The following KIR3DL2 variants were observed in gnomAD, a reference collection of about 807,000 sequenced individuals.
The protein encoded by KIR3DL2 is killer cell immunoglobulin-like receptor 3DL2.
In KIR3DL2, 42 loss-of-function variants were observed where a neutral mutation model predicts 41.6. The ratio of observed to expected loss-of-function variants is 1.01; its 90% CI spans 0.79 to 1.31. The LOEUF (loss-of-function observed/expected upper bound fraction) is 1.31. Ranked by LOEUF, KIR3DL2 falls within the 50% of genes most tolerant of loss-of-function variation. The pLI is 0.00. For synonymous variants in KIR3DL2, 230 were observed against 221.3 expected (o/e 1.04, Z -0.35); for missense variants, 728 against 576.8 (o/e 1.26, Z -2.68).
intron 7 of KIR3DL2, among the ~76,000 whole-genome samples, chr19:54,866,128 T>C (rs3745900): frequency 0.79 from 119,494 of 151,918 alleles, 47,209 homozygotes; most frequent in East Asian, 0.96. Flanking sequence ...CCCCTGCAGC[T>C]ACTGACATCC....
chr19:54,854,022 G>A lies in KIR3DL2; in HGVS notation c.631G>A (p.Asp211Asn), dbSNP rs1268603876. ...CCCCTATCAGTTGTCAGCTCCCAGT[G>A]ACCCCCTGGACATCGTGATCACAGG... is the stretch of plus-strand genomic sequence containing the variant. The part of the protein sequence containing the change: ...HSPYQLSAPS[D>N]PLDIVITGLY... Residue 211 changes from aspartate (D) to asparagine (N), a missense_variant, in exon 4 of 9, where the codon GAC (aspartate) becomes AAC (asparagine). Coordinates refer to ENST00000326321, the MANE Select transcript of KIR3DL2 (RefSeq NM_006737.4). 2.9e-5 allele frequency: 46 copies of A among 1,612,968 alleles called. No homozygotes were observed. Among genetic ancestry groups the A allele is most frequent in the Non-Finnish European group, 3.8e-5 (45 of 1,179,658 alleles).
intron 2 of KIR3DL2, 23 bp from the exon 3 acceptor site, chr19:54,851,975 G>T (rs776594652): frequency 1.2e-6 from 2 of 1,605,410 alleles, no homozygotes; most frequent in Non-Finnish European, 1.7e-6. Flanking sequence ...TCCTCTCTAA[G>T]GCAGTGCCTC....
chr19:54,864,517 T>C (rs2065376650), intron 6 of KIR3DL2, among the ~76,000 whole-genome samples: 1 of 152,100 alleles, frequency 6.6e-6, no homozygotes, highest in Non-Finnish European at 1.5e-5. Flanking sequence ...TTTGTTTGTA[T>C]CCTCTTTTAT....
intron 6 of KIR3DL2, among the ~76,000 whole-genome samples, chr19:54,864,068 T>C (rs2065352081): frequency 6.6e-6 from 1 of 152,168 alleles, no homozygotes; most frequent in Non-Finnish European, 1.5e-5. Context: ...TTCAGCTTTC[T>C]ACCTATGGCT....
rs1039648787 is a variant in KIR3DL2, at chr19:54,859,303, C to T, written c.1000+174C>T. 1.7e-3 allele frequency among the ~76,000 whole-genome samples: 256 copies of T among 152,058 alleles called. 1 individual carries two copies. Among genetic ancestry groups the T allele is most frequent in the African/African-American group, 5.9e-3 (245 of 41,524 alleles). On this transcript the variant is annotated intron_variant, in intron 6 of 8. Transcript: ENST00000326321. ...GATCTAGGGCCACCAAAGGGCTCAG[C>T]GAAGTCTCTTTACCTTTAATTTCCT...
chr19:54,862,231 G>T (rs1172146134), intron 6 of KIR3DL2, among the ~76,000 whole-genome samples: 1 of 152,094 alleles, frequency 6.6e-6, no homozygotes, highest in African/African-American at 2.4e-5. Context: ...TGACATAAGA[G>T]AATTCTACTT....
At chr19:54,853,361 G>C (rs1356332652) in intron 3 of KIR3DL2, among the ~76,000 whole-genome samples, 2 of 151,710 alleles carry the variant, frequency 1.3e-5, no homozygotes, top group Non-Finnish European at 2.9e-5. Flanking sequence ...CCTTACTGAT[G>C]AGTTGATACC....
Position 54,855,817 on chromosome 19 carries a change from C to A in KIR3DL2, c.854C>A (p.Ala285Asp). 6.2e-7 allele frequency: 1 copy of A among 1,612,458 alleles called. No homozygotes were observed. The highest frequency in any genetic ancestry group is 8.5e-7 in the Non-Finnish European group (1 of 1,179,142). The change falls in exon 5 of 9, where the codon GCC becomes GAC. Residue 285 changes from alanine (A) to aspartate (D), a missense_variant. By Grantham distance (126) the Ala-to-Asp change is moderately radical. Transcript: ENST00000326321. ...CAGGCAGACTTTCCTCTGGGCCCTGCCACCCACGGAGGGACCTACAGATGC... is the reference window on the plus strand; with the variant it reads ...CAGGCAGACTTTCCTCTGGGCCCTGACACCCACGGAGGGACCTACAGATGC... ...TFQADFPLGP[A>D]THGGTYRCFG...
intron 6 of KIR3DL2, among the ~76,000 whole-genome samples, chr19:54,859,925 C>T (rs2065056997): frequency 6.6e-6 from 1 of 151,942 alleles, no homozygotes; most frequent in African/African-American, 2.4e-5. Flanking sequence ...GGTCACATCT[C>T]ACATGGCATC....
intron 6 of KIR3DL2, among the ~76,000 whole-genome samples, chr19:54,863,080 C>T (rs979805272): frequency 1.7e-4 from 23 of 139,310 alleles, no homozygotes; most frequent in Non-Finnish European, 3.0e-4. Context: ...TGTTCAATTC[C>T]CACCTATAAG....
rs1381917432 is a variant in KIR3DL2 at position 54,856,048 on chromosome 19, G to A, written c.949+136G>A. 7.1e-6 allele frequency: 8 copies of A among 1,133,122 alleles called. No individual in the cohort carries two copies. The African/African-American group carries it at 9.6e-5, about 14-fold the overall frequency. 70.2% of individuals were successfully genotyped at this position (1,133,122 alleles called of 1,614,324 possible). On this transcript the variant is annotated intron_variant, in intron 5 of 8. Transcript: ENST00000326321. ...CTGGGTGTGAGGGGGGGGTCAGGGT[G>A]CAGGATGGCAGACAGGGCACCTCCA...
intron 1 of KIR3DL2, 103 bp downstream of exon 1, chr19:54,850,612 A>T (rs1277341419): frequency 3.3e-6 from 5 of 1,495,154 alleles, no homozygotes; most frequent in Non-Finnish European, 4.5e-6. Context: ...TGGAGTGGAG[A>T]TATGGGCCTG....
intron 1 of KIR3DL2, among the ~76,000 whole-genome samples, chr19:54,850,910 T>A (rs1309823977): frequency 2.4e-5 from 3 of 122,802 alleles, no homozygotes; most frequent in Non-Finnish European, 5.0e-5. Context: ...GATCTGGGCC[T>A]GGAGTGGAGA....
At chr19:54,855,289 G>A (rs2064654725) in intron 4 of KIR3DL2, among the ~76,000 whole-genome samples, 1 of 151,498 alleles carries the variant, frequency 6.6e-6, no homozygotes, top group African/African-American at 2.4e-5. Context: ...ATAATAGATA[G>A]AAATATGCAG....
chr19:54,858,221 C>T (rs1448840106), intron 5 of KIR3DL2, among the ~76,000 whole-genome samples: 2,542 of 149,728 alleles, frequency 0.017, 56 homozygotes, highest in Non-Finnish European at 0.019. Context: ...AAATGTCTTT[C>T]ATCAGACAAA....
intron 6 of KIR3DL2, among the ~76,000 whole-genome samples, chr19:54,863,032 A>T (rs2065289117): frequency 1.1e-5 from 1 of 95,076 alleles, no homozygotes; most frequent in African/African-American, 4.3e-5. Context: ...CAGTCCCCAG[A>T]GTGTGATGTT....
chr19:54,851,492 G>C (rs1247911852), intron 2 of KIR3DL2, among the ~76,000 whole-genome samples: 1 of 151,406 alleles, frequency 6.6e-6, no homozygotes, highest in Non-Finnish European at 1.5e-5. Flanking sequence ...GGGAGGAAGT[G>C]GTGTCAGCAG....
At position 54,860,937 on chromosome 19, in the gene KIR3DL2, A is replaced by T. The variant is rs112851276; in HGVS notation, c.1000+1808A>T. On this transcript the variant is annotated intron_variant, in intron 6 of 8. Transcript: ENST00000326321. ...ATGACTGTAGAGAGACGGAGAGCACACTGGGTACACAGGAAACTAAGGAGC... is the reference window on the plus strand; with the variant it reads ...ATGACTGTAGAGAGACGGAGAGCACTCTGGGTACACAGGAAACTAAGGAGC... 9.7e-4 allele frequency among the ~76,000 whole-genome samples: 133 copies of T among 137,374 alleles called. 1 individual carries two copies. The highest frequency in any genetic ancestry group is 3.3e-3 in the African/African-American group (124 of 38,004). The allele number at this position is 137,374 out of a possible 152,430, so 90.1% of individuals were successfully genotyped here.
intron 7 of KIR3DL2, 142 bp downstream of exon 7, chr19:54,866,051 C>A: frequency 1.2e-6 from 1 of 816,756 alleles, no homozygotes; most frequent in Non-Finnish European, 2.0e-6. Flanking sequence ...CTAGAGAGAG[C>A]ACCAGACAAC....
Sources: allele counts gnomAD v4.1 joint callset (sites outside exome capture counted in the v4.1 genomes callset), GRCh38; gene constraint gnomAD v4.1.1; transcripts MANE v1.5; gene names NCBI Gene and HGNC (gene_info 2026-07-23, HGNC 2026-07-21).